PPP1R12B: variants seen among roughly 807,000 people sequenced by gnomAD.
PPP1R12B encodes protein phosphatase 1 regulatory subunit 12B.
In PPP1R12B, 76 loss-of-function variants were observed where a neutral mutation model predicts 126.1. That is an observed-to-expected ratio of 0.60 (90% CI 0.50 to 0.73). PPP1R12B has a LOEUF of 0.73. Ranked by LOEUF, PPP1R12B falls within the 30% of genes least tolerant of loss-of-function variation. The pLI, the probability that PPP1R12B is intolerant of heterozygous loss-of-function variation, is 0.00. For synonymous variants in PPP1R12B, 356 were observed against 434.7 expected (o/e 0.82, Z 2.25); for missense variants, 1,052 against 1,205.1 (o/e 0.87, Z 1.88).
chr1:202,367,320 A>C (rs921007025), intron 1 of PPP1R12B, among the ~76,000 whole-genome samples: 2 of 152,174 alleles, frequency 1.3e-5, no homozygotes, highest in Non-Finnish European at 2.9e-5. Flanking sequence ...TGGTTTTGCT[A>C]CTTACATAAG....
At chr1:202,410,804 A>G (rs1286343276) in intron 1 of PPP1R12B, among the ~76,000 whole-genome samples, 2 of 152,180 alleles carry the variant, frequency 1.3e-5, no homozygotes, top group Non-Finnish European at 2.9e-5. Context: ...ACTAGTAATT[A>G]AGTTATATCT....
rs967955826 is a variant in PPP1R12B, at chr1:202,536,677, T to A, written c.2491-22200T>A. Among the ~76,000 whole-genome samples, 5 of 152,246 alleles carry A rather than the reference T, an allele frequency of 3.3e-5. 1 individual carries two copies. Among genetic ancestry groups the A allele is most frequent in the South Asian group, 4.1e-4 (2 of 4,838 alleles). On this transcript the variant is annotated intron_variant, in intron 18 of 23. Coordinates refer to ENST00000608999, the MANE Select transcript of PPP1R12B (RefSeq NM_002481.4). ...CTTTATACGTTTTTAAAATTTAATG[T>A]TTTGACCCTTTTGCAGTAATACTTA...
intron 13 of PPP1R12B, among the ~76,000 whole-genome samples, chr1:202,455,068 G>T (rs1673445557): frequency 6.6e-6 from 1 of 152,130 alleles, no homozygotes; most frequent in Non-Finnish European, 1.5e-5. Flanking sequence ...TCTGGCAATT[G>T]AAAAGATACT....
intron 14 of PPP1R12B, among the ~76,000 whole-genome samples, chr1:202,491,558 A>G (rs1015716671): frequency 6.6e-6 from 1 of 152,200 alleles, no homozygotes; most frequent in African/African-American, 2.4e-5. Flanking sequence ...ATATTTATTG[A>G]ATAAAAAAAT....
intron 11 of PPP1R12B, among the ~76,000 whole-genome samples, chr1:202,441,973 C>T (rs1028325449): frequency 1.3e-5 from 2 of 152,002 alleles, no homozygotes; most frequent in African/African-American, 4.8e-5. Context: ...TCTCGTGCCT[C>T]AGCCTCCCGA....
chr1:202,492,856 G>A (rs1679071830), intron 14 of PPP1R12B, among the ~76,000 whole-genome samples: 1 of 152,106 alleles, frequency 6.6e-6, no homozygotes, highest in Non-Finnish European at 1.5e-5. Context: ...AGACATCAGT[G>A]TTGACCTATT....
chr1:202,472,117 T>C (rs1377876264), intron 13 of PPP1R12B: 2 of 1,499,128 alleles, frequency 1.3e-6, no homozygotes, highest in Admixed American at 1.9e-5. Context: ...GTGAGAGGCA[T>C]GTTCTCATGT....
chr1:202,399,707 A>T (rs1665535370), intron 1 of PPP1R12B, among the ~76,000 whole-genome samples: 1 of 152,100 alleles, frequency 6.6e-6, no homozygotes, highest in South Asian at 2.1e-4. Flanking sequence ...CGTGTTAACC[A>T]GGATGGTCTC....
intron 23 of PPP1R12B, 96 bp downstream of exon 23, chr1:202,569,293 T>G: frequency 8.2e-7 from 1 of 1,225,868 alleles, no homozygotes. Flanking sequence ...CAGATTTCAC[T>G]ACAAACTCAA....
chr1:202,495,155 T>A, intron 15 of PPP1R12B, 138 bp from the exon 16 acceptor site: 1 of 543,346 alleles, frequency 1.8e-6, no homozygotes, highest in Non-Finnish European at 3.0e-6. Flanking sequence ...ATTGAGTGCC[T>A]ATTACCAGGT....
At position 202,402,156 on chromosome 1, in the gene PPP1R12B, A is replaced by G. The variant is rs375203447; in HGVS notation, c.292-14631A>G. Reference sequence around the variant, plus strand: ...GTCTTTGCCTTAACAGTGAATCTTGAGTCCTCTTTCAGGTTTTTACCTGTC... The same window carrying G: ...GTCTTTGCCTTAACAGTGAATCTTGGGTCCTCTTTCAGGTTTTTACCTGTC... On this transcript the variant is annotated intron_variant, in intron 1 of 23. Transcript: ENST00000608999. Among the ~76,000 whole-genome samples, 98 of 152,332 alleles carry G rather than the reference A, an allele frequency of 6.4e-4. No individual in the cohort carries two copies. In the South Asian group the frequency reaches 0.011, roughly 17 times the overall value.
intron 2 of PPP1R12B, among the ~76,000 whole-genome samples, chr1:202,420,967 C>CTTTTTTTTTTTTTTTTTTTTTT (rs56164548): frequency 8.4e-6 from 1 of 118,568 alleles, no homozygotes; most frequent in African/African-American, 3.4e-5. Context: ...CCTCTGCCAA[C>CTTTTTTTTTTTTTTTTTTTTTT]TTTTTTTTTT....
chr1:202,461,284 A>G (rs975178501), intron 13 of PPP1R12B, among the ~76,000 whole-genome samples: 3 of 151,964 alleles, frequency 2.0e-5, no homozygotes, highest in African/African-American at 7.3e-5. Context: ...CTCTTTCCTC[A>G]TATGTAAAAA....
chr1:202,545,833 A>G (rs1484512143), intron 18 of PPP1R12B, among the ~76,000 whole-genome samples: 1 of 152,248 alleles, frequency 6.6e-6, no homozygotes, highest in Admixed American at 6.5e-5. Flanking sequence ...TGAGAACATA[A>G]TGGCATTATT....
At chr1:202,489,905 G>A (rs945854365) in intron 14 of PPP1R12B, among the ~76,000 whole-genome samples, 9 of 152,156 alleles carry the variant, frequency 5.9e-5, no homozygotes, top group Admixed American at 5.9e-4. Context: ...GCAGTTTAAG[G>A]GAATATGGTA....
intron 1 of PPP1R12B, among the ~76,000 whole-genome samples, chr1:202,376,621 C>A (rs958104646): frequency 2.0e-5 from 3 of 151,878 alleles, no homozygotes; most frequent in Non-Finnish European, 4.4e-5. Context: ...AAGATTGCAT[C>A]CTTTTATAAG....
At chr1:202,452,251 C>G (rs976827156) in intron 13 of PPP1R12B, among the ~76,000 whole-genome samples, 2 of 152,204 alleles carry the variant, frequency 1.3e-5, no homozygotes, top group African/African-American at 4.8e-5. Flanking sequence ...GCACTCCAGC[C>G]TGGGCACCAT....
chr1:202,548,808 CTATATATATATA>C (rs370219273), intron 18 of PPP1R12B, among the ~76,000 whole-genome samples: 18 of 72,992 alleles, frequency 2.5e-4, no homozygotes, highest in East Asian at 1.5e-3. Context: ...CTCTCTCTCT[CTATATATATATA>C]TATATATATA....
chr1:202,479,742 AC>A (rs1018198060), intron 13 of PPP1R12B, among the ~76,000 whole-genome samples: 2 of 152,238 alleles, frequency 1.3e-5, no homozygotes, highest in African/African-American at 4.8e-5. Flanking sequence ...TGGTCCCCAG[AC>A]CAGCAGTGTC....
Sources: gnomAD v4.1 joint callset for allele counts (sites outside exome capture counted in the v4.1 genomes callset) on GRCh38, gnomAD v4.1.1 for gene constraint, MANE v1.5 for transcripts, NCBI Gene and HGNC (gene_info 2026-07-23, HGNC 2026-07-21) for gene names.